ENTR1: variants seen among roughly 807,000 people sequenced by gnomAD.
The protein encoded by ENTR1 is endosome associated trafficking regulator 1, also known as endosome-associated-trafficking regulator 1.
ENTR1 carries 47 observed loss-of-function variants against 47.9 expected under a neutral mutation model. That is an observed-to-expected ratio of 0.98 (90% confidence interval 0.78 to 1.25). The LOEUF is 1.25. ENTR1 is among the 50% of genes most tolerant of loss of function. ENTR1 has a pLI of 0.00. For missense variants in ENTR1, 668 were observed against 570.5 expected (o/e 1.17, Z -1.74); for synonymous variants, 290 against 245.8 (o/e 1.18, Z -1.68).
At chr9:136,410,039 C>T (rs912166686) in intron 2 of ENTR1, 51 bp downstream of exon 2, 3 of 1,605,392 alleles carry the variant, frequency 1.9e-6, no homozygotes, top group Non-Finnish European at 2.6e-6. Context: ...AGGTGCCACA[C>T]GTGGCGCGGG....
At position 136,407,261 on chromosome 9, in the gene ENTR1, T is replaced by G. The variant is rs575470320; in HGVS notation, c.703A>C (p.Thr235Pro). The G allele has an allele frequency of 1.1e-5, 17 of 1,613,008 alleles. No homozygotes were observed. The highest frequency in any genetic ancestry group is 1.4e-5 in the Non-Finnish European group (17 of 1,179,952). The change falls in exon 5 of 10, where the codon ACT becomes CCT. Residue 235 changes from threonine (T) to proline (P), a missense_variant. By Grantham distance (38) the Thr-to-Pro change is conservative. Transcript: ENST00000357365. ...ESLPSWALSD[T>P]DSRVSPASPA... is the part of the protein sequence containing the mutation. ...GAGGCCGGAGACACGCGAGAATCAG[T>G]GTCACTCAACGCCCACGAGGGCAGA...
At position 136,402,436 on chromosome 9, in the gene ENTR1, T is replaced by C. The variant is rs553115495; in HGVS notation, c.*352A>G. The C allele has an allele frequency of 6.1e-5, 11 of 179,114 alleles. No individual in the cohort carries two copies. The highest frequency in any genetic ancestry group is 1.4e-4 in the African/African-American group (6 of 42,400). 11.1% of individuals were successfully genotyped at this position (179,114 alleles called of 1,614,324 possible). A position where few individuals can be genotyped will look rare whatever the true frequency, so the allele number is the denominator to read the frequency against. ...GAAATCAAGGACAACCAATTGTACT[T>C]ATCTTACAACTGATGTTCTGGGATG... On this transcript the variant is annotated 3_prime_UTR_variant, in exon 10 of 10. Transcript: ENST00000357365.
chr9:136,407,990 G>C, intron 3 of ENTR1, 52 bp from the exon 4 acceptor site: 1 of 1,220,544 alleles, frequency 8.2e-7, no homozygotes. Flanking sequence ...AGCGTTGAAA[G>C]GGAACCTTCC....
rs1312185941 is a variant in ENTR1, at chr9:136,402,000, A to G, written c.*788T>C. On this transcript the variant is annotated 3_prime_UTR_variant, in exon 10 of 10. Coordinates refer to ENST00000357365, the MANE Select transcript of ENTR1 (RefSeq NM_001039707.2). Reference sequence around the variant, plus strand: ...GAAAAAAAAGTTTTAAAAAAAATCTATAGGAAAATAGTCAAAAAAGCATTT... The same window carrying G: ...GAAAAAAAAGTTTTAAAAAAAATCTGTAGGAAAATAGTCAAAAAAGCATTT... The G allele has an allele frequency of 6.6e-6, 1 of 152,510 alleles. No individual in the cohort carries two copies. Among genetic ancestry groups the G allele is most frequent in the Non-Finnish European group, 1.5e-5 (1 of 68,060 alleles). 9.4% of individuals were successfully genotyped at this position (152,510 alleles called of 1,614,324 possible).
chr9:136,404,799 T>A, intron 7 of ENTR1, 106 bp from the exon 8 acceptor site: 1 of 1,160,058 alleles, frequency 8.6e-7, no homozygotes, highest in Non-Finnish European at 1.3e-6. Context: ...AACCTGGCTG[T>A]GGCCCTTCAC....
In ENTR1 at chr9:136,402,694, A is replaced by G; in HGVS notation, c.*94T>C. On this transcript the variant is annotated 3_prime_UTR_variant, in exon 10 of 10. Coordinates refer to ENST00000357365, the MANE Select transcript of ENTR1 (RefSeq NM_001039707.2). ...GATCAACACTTTACTCTGGGTGAAG[A>G]CTGCATATTTAAGGACACAACTGCA... 1 of 820,944 alleles carries G rather than the reference A, an allele frequency of 1.2e-6. No individual in the cohort carries two copies. 50.9% of individuals were successfully genotyped at this position (820,944 alleles called of 1,614,324 possible).
chr9:136,407,087 C>A, intron 5 of ENTR1, 58 bp downstream of exon 5: 1 of 1,512,660 alleles, frequency 6.6e-7, no homozygotes, highest in South Asian at 1.3e-5. Flanking sequence ...CCAGGTTCTC[C>A]CCGGGAGAAG....
chr9:136,404,754 A>C lies in ENTR1; in HGVS notation c.1006-61T>G, dbSNP rs575048770. The C allele has an allele frequency of 1.3e-4, 203 of 1,573,706 alleles. 1 individual carries two copies. In the South Asian group the frequency reaches 2.1e-3, roughly 16 times the overall value. On this transcript the variant is annotated intron_variant, in intron 7 of 9. Transcript: ENST00000357365. The stretch of plus-strand genomic sequence containing the variant: ...ACTGATGTCCTCACATTCATACCGG[A>C]CACGGGCCCCAACCCAGGGAGCAGG...
chr9:136,407,610 G>T (rs372567013), intron 4 of ENTR1, 49 bp from the exon 5 acceptor site: 90 of 1,502,616 alleles, frequency 6.0e-5, no homozygotes, highest in Non-Finnish European at 7.6e-5. Context: ...CTTCTGACTC[G>T]GAGCGCATCT....
chr9:136,410,613 A>C lies in ENTR1; in HGVS notation c.-216T>G. 1.5e-6 allele frequency: 2 copies of C among 1,295,660 alleles called. No individual in the cohort carries two copies. The highest frequency in any genetic ancestry group is 2.9e-5 in the East Asian group (1 of 34,840). 80.3% of individuals were successfully genotyped at this position (1,295,660 alleles called of 1,614,324 possible). ...ACGCCTTGGGCCGTCGGCGAGGGGG[A>C]GGGGAAGCCGTGGGCGGAAGCGGAA... On this transcript the variant is annotated 5_prime_UTR_variant, in exon 1 of 10. Transcript: ENST00000357365.
chr9:136,404,752 G>T lies in ENTR1; in HGVS notation c.1006-59C>A, dbSNP rs556812059. ...TCACTGATGTCCTCACATTCATACC[G>T]GACACGGGCCCCAACCCAGGGAGCA... On this transcript the variant is annotated intron_variant, in intron 7 of 9. Transcript: ENST00000357365. The T allele has an allele frequency of 3.8e-5, 60 of 1,577,032 alleles. No individual in the cohort carries two copies. The East Asian group carries it at 9.9e-4, about 26-fold the overall frequency.
At chr9:136,410,041 TGGCGCGGGAA>T (rs1411122492) in intron 2 of ENTR1, 39 bp downstream of exon 2, 5 of 1,608,150 alleles carry the variant, frequency 3.1e-6, no homozygotes, top group Non-Finnish European at 4.3e-6. Flanking sequence ...GTGCCACACG[TGGCGCGGGAA>T]CTGGAAGCGT....
chr9:136,410,520 C>T lies in ENTR1; in HGVS notation c.-123G>A. 4 of 1,017,950 alleles carry T rather than the reference C, an allele frequency of 3.9e-6. No individual in the cohort carries two copies. Among genetic ancestry groups the T allele is most frequent in the Non-Finnish European group, 4.9e-6 (4 of 820,064 alleles). The allele number at this position is 1,017,950 out of a possible 1,614,324, so 63.1% of individuals were successfully genotyped here. On this transcript the variant is annotated 5_prime_UTR_variant, in exon 1 of 10. Transcript: ENST00000357365. ...TCGCCCGCCCCCGTCGCCCGCCGCT[C>T]GGCCGCCCCCGCGCCTCCGAGCCTC...
chr9:136,405,100 C>G lies in ENTR1; in HGVS notation c.996G>C (p.Glu332Asp). The G allele has an allele frequency of 6.2e-7, 1 of 1,613,130 alleles. No homozygotes were observed. The highest frequency in any genetic ancestry group is 2.2e-5 in the East Asian group (1 of 44,890). ...SVVQQVEQNL[E>D]LMTKRAVKAE... ...GAGAAGAAACCCATACGGTCATCAG[C>G]TCCAGGTTCTGCTCCACCTGCTGAA... Residue 332 changes from glutamate (E) to aspartate (D), a missense_variant, in exon 7 of 10, where the codon GAG (glutamate) becomes GAC (aspartate). Coordinates refer to ENST00000357365, the MANE Select transcript of ENTR1 (RefSeq NM_001039707.2).
chr9:136,409,109 T>G (rs369495616), intron 2 of ENTR1, 42 bp from the exon 3 acceptor site: 126 of 1,576,796 alleles, frequency 8.0e-5, no homozygotes, highest in Admixed American at 1.0e-4. Flanking sequence ...GCAGGAAGTC[T>G]TTATGACCTC....
Position 136,407,726 on chromosome 9 carries a change from C to T in ENTR1, c.402+100G>A. The T allele has an allele frequency of 3.7e-6, 5 of 1,356,912 alleles. No homozygotes were observed. The South Asian group carries it at 6.3e-5, about 17-fold the overall frequency. 84.1% of individuals were successfully genotyped at this position (1,356,912 alleles called of 1,614,324 possible). The stretch of plus-strand genomic sequence containing the variant: ...AGCTGCTCCCCAGCACTGACGCCTG[C>T]CTGCTCTGCCACACTCATGCACGAT... On this transcript the variant is annotated intron_variant, in intron 4 of 9. Transcript: ENST00000357365.
Position 136,404,678 on chromosome 9 carries a change from C to A in ENTR1, c.1021G>T (p.Ala341Ser). The A allele has an allele frequency of 1.9e-6, 3 of 1,614,142 alleles. No homozygotes were observed. Among genetic ancestry groups the A allele is most frequent in the Non-Finnish European group, 2.5e-6 (3 of 1,180,030 alleles). The change falls in exon 8 of 10, where the codon GCA (alanine) becomes TCA (serine). Residue 341 changes from alanine to serine, a missense_variant. By Grantham distance (99) the Ala-to-Ser change is moderately conservative (BLOSUM62 1). Transcript: ENST00000357365. ...TTTAGTTTCACGACGTGGTTTTCTG[C>A]CTTTACAGCCCGTTTCTGTTACCCA... ...LELMTKRAVKAENHVVKLKQE... is the reference protein window; with the variant it reads ...LELMTKRAVKSENHVVKLKQE...
chr9:136,410,313 C>T lies in ENTR1; in HGVS notation c.70+15G>A. 1.3e-6 allele frequency: 2 copies of T among 1,548,952 alleles called. No individual in the cohort carries two copies. The highest frequency in any genetic ancestry group is 8.7e-7 in the Non-Finnish European group (1 of 1,146,626). On this transcript the variant is annotated intron_variant, in intron 1 of 9. Transcript: ENST00000357365. ...GCCCACCTGGACCGCTGGACTCGGCCCCTGCCCCGCTCACCGTCGGGAATG... is the reference window on the plus strand; with the variant it reads ...GCCCACCTGGACCGCTGGACTCGGCTCCTGCCCCGCTCACCGTCGGGAATG...
chr9:136,404,729 A>G (rs375919561), intron 7 of ENTR1, 36 bp from the exon 8 acceptor site: 101 of 1,608,032 alleles, frequency 6.3e-5, no homozygotes, highest in Non-Finnish European at 7.7e-5. Flanking sequence ...AAAAAGCATC[A>G]CTGATGTCCT....
Sources: allele counts gnomAD v4.1 joint callset, GRCh38; gene constraint gnomAD v4.1.1; transcripts MANE v1.5; gene names NCBI Gene and HGNC (gene_info 2026-07-23, HGNC 2026-07-21).